Variants in PRDM13 observed in about 807,000 individuals in gnomAD.
PRDM13 encodes the protein PR domain zinc finger protein 13.
Under a neutral mutation model 36.4 loss-of-function variants are expected in PRDM13, and 15 were observed. The observed-to-expected ratio is 0.41, with a 90% CI of 0.28 to 0.64. The LOEUF is 0.64. Ranked by LOEUF, PRDM13 falls within the 30% of genes least tolerant of loss-of-function variation. PRDM13 has a pLI of 0.29. For synonymous variants in PRDM13, 531 were observed against 467.7 expected (o/e 1.14, Z -1.75); for missense variants, 1,044 against 1,013.5 (o/e 1.03, Z -0.41).
chr6:99,610,193 C>T (rs1451245085), intron 3 of PRDM13, among the ~76,000 whole-genome samples: 1 of 152,184 alleles, frequency 6.6e-6, no homozygotes, highest in Non-Finnish European at 1.5e-5. Flanking sequence ...TTTATTTGAT[C>T]CCTTCAAAGC....
intron 3 of PRDM13, among the ~76,000 whole-genome samples, chr6:99,611,404 C>T (rs940468073): frequency 2.6e-5 from 4 of 152,096 alleles, no homozygotes; most frequent in Non-Finnish European, 5.9e-5. Flanking sequence ...ACATACCCAC[C>T]AAGAGAACCC....
Position 99,614,321 on chromosome 6 carries a change from A to G in PRDM13, c.1686A>G (p.Gly562=), listed in dbSNP as rs750635230. The change falls in exon 4 of 4, where the codon GGA becomes GGG. Residue 562 remains glycine, a synonymous_variant. Coordinates refer to ENST00000369215, the MANE Select transcript of PRDM13 (RefSeq NM_021620.4). The part of the protein sequence containing the change: ...AAGGTGGGGS[G]GSGAGKPKTG... ...GAGGCACCGGGGGCGGCGGCAGCGG[A>G]GGCAGCGGCGCAGGTAAGCCCAAGA... 5 of 1,605,240 alleles carry G rather than the reference A, an allele frequency of 3.1e-6. No homozygotes were observed. The East Asian group carries it at 9.0e-5, about 29-fold the overall frequency.
chr6:99,609,749 G>A (rs1324991625), intron 3 of PRDM13, among the ~76,000 whole-genome samples: 1 of 152,006 alleles, frequency 6.6e-6, no homozygotes, highest in African/African-American at 2.4e-5. Flanking sequence ...AGCCAGGTGC[G>A]GCGGTACATG....
chr6:99,610,257 T>A (rs1158528634), intron 3 of PRDM13, among the ~76,000 whole-genome samples: 1 of 152,242 alleles, frequency 6.6e-6, no homozygotes, highest in Non-Finnish European at 1.5e-5. Flanking sequence ...AAAACATTTT[T>A]AAACCTACCC....
In PRDM13 at chr6:99,609,905, A is replaced by AAT. The variant is rs1562507986; in HGVS notation, c.397+599_397+600insTA. Among the ~76,000 whole-genome samples the AAT allele has an allele frequency of 2.3e-4, 33 of 144,912 alleles. No homozygotes were observed. The East Asian group carries it at 4.7e-3, about 21-fold the overall frequency. ...GTCTCAAAATAAATAAATAAAAATA[A>AAT]AAAATAAAAAAGGAGCCTTAAGTTG... On this transcript the variant is annotated intron_variant, in intron 3 of 3. Coordinates refer to ENST00000369215, the MANE Select transcript of PRDM13 (RefSeq NM_021620.4).
At position 99,614,009 on chromosome 6, in the gene PRDM13, C is replaced by A. The variant is rs377263054; in HGVS notation, c.1374C>A (p.Val458=). The A allele has an allele frequency of 8.4e-5, 136 of 1,610,066 alleles. No homozygotes were observed. In the African/African-American group the frequency reaches 1.6e-3, roughly 19 times the overall value. Residue 458 remains valine (V), a synonymous_variant, in exon 4 of 4, where the codon GTC becomes GTA. Transcript: ENST00000369215. ...GTGAGTGCAGCCACCTGCCCGCCGT[C>A]ATGCCGGCCTTTACAGTCTACAACG... is the stretch of plus-strand genomic sequence containing the variant. ...PGGECSHLPA[V]MPAFTVYNGE... is the part of the protein sequence containing the mutation.
chr6:99,615,410 C>A lies in PRDM13; in HGVS notation c.*651C>A, dbSNP rs1008410079. 1 of 152,654 alleles carries A rather than the reference C, an allele frequency of 6.6e-6. No individual in the cohort carries two copies. Among genetic ancestry groups the A allele is most frequent in the African/African-American group, 2.4e-5 (1 of 41,424 alleles). 9.5% of individuals were successfully genotyped at this position (152,654 alleles called of 1,614,324 possible). The stretch of plus-strand genomic sequence containing the variant: ...AATATCTAAAGCATGAATCTAAGAG[C>A]ACGCAATATATAATTTTAAAGAAAA... On this transcript the variant is annotated 3_prime_UTR_variant, in exon 4 of 4. Transcript: ENST00000369215.
intron 3 of PRDM13, 23 bp downstream of exon 3, chr6:99,609,330 T>C (rs890806736): frequency 6.2e-7 from 1 of 1,613,034 alleles, no homozygotes; most frequent in Non-Finnish European, 8.5e-7. Flanking sequence ...AAAGCGTGGA[T>C]GGGCAAAAGT....
At position 99,606,941 on chromosome 6, in the gene PRDM13, C is replaced by T; in HGVS notation, c.-94C>T. On this transcript the variant is annotated 5_prime_UTR_variant, in exon 1 of 4. Coordinates refer to ENST00000369215, the MANE Select transcript of PRDM13 (RefSeq NM_021620.4). Reference sequence around the variant, plus strand: ...CGGGCGGAGGACGCACGTCGGGGCGCGGCTCTCTGGCTAGCGCGCAGCTCC... The same window carrying T: ...CGGGCGGAGGACGCACGTCGGGGCGTGGCTCTCTGGCTAGCGCGCAGCTCC... The T allele has an allele frequency of 7.1e-7, 1 of 1,413,436 alleles. No homozygotes were observed. The allele number at this position is 1,413,436 out of a possible 1,614,324, so 87.6% of individuals were successfully genotyped here.
rs368000718 is a variant in PRDM13, at chr6:99,614,294, G to A, written c.1659G>A (p.Ala553=). 5.0e-6 allele frequency: 8 copies of A among 1,604,954 alleles called. No individual in the cohort carries two copies. The African/African-American group carries it at 9.4e-5, about 19-fold the overall frequency. Residue 553 remains alanine, a synonymous_variant, in exon 4 of 4, where the codon GCG becomes GCA. Transcript: ENST00000369215. ...CGTTGCCACCGGCCGTCGCGGCGGC[G>A]GGAGGCACCGGGGGCGGCGGCAGCG... is the stretch of plus-strand genomic sequence containing the variant. ...SGTLPPAVAA[A]GGTGGGGSGG... is the part of the protein sequence containing the mutation.
rs776670156 is a variant in PRDM13, at chr6:99,614,648, C to T, written c.2013C>T (p.Gly671=). 2 of 1,612,382 alleles carry T rather than the reference C, an allele frequency of 1.2e-6. No homozygotes were observed. Among genetic ancestry groups the T allele is most frequent in the South Asian group, 2.2e-5 (2 of 91,030 alleles). Residue 671 remains glycine, a synonymous_variant, in exon 4 of 4, where the codon GGC becomes GGT. Transcript: ENST00000369215. ...KAGDGPGAEP[G]YPPEPGDPKS... The stretch of plus-strand genomic sequence containing the variant: ...GCGACGGCCCGGGTGCCGAGCCCGG[C>T]TATCCCCCGGAGCCTGGGGATCCCA...
chr6:99,608,149 C>A (rs1769978835), intron 1 of PRDM13, among the ~76,000 whole-genome samples: 1 of 152,152 alleles, frequency 6.6e-6, no homozygotes, highest in South Asian at 2.1e-4. Flanking sequence ...CAGTCTAAAG[C>A]GGGGTTTGGT....
At position 99,615,354 on chromosome 6, in the gene PRDM13, A is replaced by G. The variant is rs895955661; in HGVS notation, c.*595A>G. The G allele has an allele frequency of 2.0e-5, 3 of 152,916 alleles. No individual in the cohort carries two copies. Among genetic ancestry groups the G allele is most frequent in the African/African-American group, 7.2e-5 (3 of 41,478 alleles). The allele number at this position is 152,916 out of a possible 1,614,324, so 9.5% of individuals were successfully genotyped here. On this transcript the variant is annotated 3_prime_UTR_variant, in exon 4 of 4. Coordinates refer to ENST00000369215, the MANE Select transcript of PRDM13 (RefSeq NM_021620.4). The stretch of plus-strand genomic sequence containing the variant: ...AGGTGTACAAATTGGTCAAGTTGCA[A>G]TTATTTATGAGAAAATAATGATAAA...
chr6:99,613,752 C>CCGT lies in PRDM13; in HGVS notation c.1119_1120insTCG (p.Pro373_Pro374insSer). The CCGT allele has an allele frequency of 6.8e-7, 1 of 1,465,228 alleles. No individual in the cohort carries two copies. Among genetic ancestry groups the CCGT allele is most frequent in the South Asian group, 1.3e-5 (1 of 78,670 alleles). The allele number at this position is 1,465,228 out of a possible 1,614,324, so 90.8% of individuals were successfully genotyped here. A position where few individuals can be genotyped will look rare whatever the true frequency, so the allele number is the denominator to read the frequency against. ...CAAGTGCCTGCTCGCTGGGGACCCG[C>CCGT]CGCCGCCGCCGCCGCCTGGCCTGCC... On this transcript the variant is annotated inframe_insertion, in exon 4 of 4. Transcript: ENST00000369215. The surrounding 1 kb of genome is among the most constrained non-coding windows in gnomAD (Gnocchi z 6.1).
rs759305948 is a variant in PRDM13, at chr6:99,613,167, C to A, written c.532C>A (p.Arg178Ser). ...CTTCCTGCACCACGAACACGCGGCT[C>A]GCCAAGGCGCCGTCCCAGCGGCTGA... ...GAFLHHEHAA[R>S]QGAVPAADGL... is the part of the protein sequence containing the mutation. Residue 178 changes from arginine (R) to serine (S), a missense_variant, in exon 4 of 4, where the codon CGC becomes AGC. Around this residue, in one of 3 missense-constraint regions of PRDM13, gnomAD observed 921 missense variants for 865.2 expected, o/e 1.06. Coordinates refer to ENST00000369215, the MANE Select transcript of PRDM13 (RefSeq NM_021620.4). The surrounding 1 kb of genome is among the most constrained non-coding windows in gnomAD (Gnocchi z 6.1). The A allele has an allele frequency of 4.3e-6, 7 of 1,612,866 alleles. No homozygotes were observed. The South Asian group carries it at 6.6e-5, about 15-fold the overall frequency.
intron 3 of PRDM13, among the ~76,000 whole-genome samples, chr6:99,611,244 G>A (rs944597607): frequency 6.6e-6 from 1 of 152,072 alleles, no homozygotes; most frequent in Non-Finnish European, 1.5e-5. Context: ...TAAGATGGAG[G>A]AAAATACTGC....
chr6:99,607,335 C>T (rs189045050), intron 1 of PRDM13, 157 bp downstream of exon 1: 329 of 1,132,524 alleles, frequency 2.9e-4, no homozygotes, highest in Non-Finnish European at 3.6e-4. Context: ...AGCAAGTAGC[C>T]TCTTTAACTG....
Position 99,613,150 on chromosome 6 carries a change from A to G in PRDM13, c.515A>G (p.His172Arg). ...GGCGGTGGAGGCGGCGCCTTCCTGC[A>G]CCACGAACACGCGGCTCGCCAAGGC... ...FSGGGGGAFL[H>R]HEHAARQGAV... Residue 172 changes from histidine to arginine, a missense_variant, in exon 4 of 4, where the codon CAC becomes CGC. Physicochemically the swap from His to Arg is conservative, Grantham distance 29. Coordinates refer to ENST00000369215, the MANE Select transcript of PRDM13 (RefSeq NM_021620.4). The surrounding 1 kb of genome is among the most constrained non-coding windows in gnomAD (Gnocchi z 6.1). 3.1e-6 allele frequency: 5 copies of G among 1,613,098 alleles called. No homozygotes were observed. The highest frequency in any genetic ancestry group is 4.2e-6 in the Non-Finnish European group (5 of 1,179,952).
rs773491518 is a variant in PRDM13 at position 99,608,626 on chromosome 6, G to A, written c.145-115G>A. ...CCTCCCAGTAGCCCATAGTGGTCTG[G>A]CCAAACCAAAAACAACCACTTTCCT... On this transcript the variant is annotated intron_variant, in intron 1 of 3. Transcript: ENST00000369215. 8.3e-4 allele frequency: 1,188 copies of A among 1,433,554 alleles called. 2 individuals are homozygous for A. The highest frequency in any genetic ancestry group is 1.0e-3 in the Non-Finnish European group (1,125 of 1,075,908). The allele number at this position is 1,433,554 out of a possible 1,614,324, so 88.8% of individuals were successfully genotyped here.
Sources: allele counts gnomAD v4.1 joint callset (sites outside exome capture counted in the v4.1 genomes callset), GRCh38; gene constraint gnomAD v4.1.1; regional missense constraint gnomAD v4.1.1; non-coding constraint Gnocchi (gnomAD v3.1); transcripts MANE v1.5; gene names NCBI Gene and HGNC (gene_info 2026-07-23, HGNC 2026-07-21).